Variants in DDX42 observed in about 807,000 individuals in gnomAD.
DDX42 encodes ATP-dependent RNA helicase DDX42.
DDX42 carries 22 observed loss-of-function variants against 101.5 expected under a neutral mutation model. The ratio of observed to expected loss-of-function variants is 0.22; its 90% CI spans 0.15 to 0.31. DDX42 has a LOEUF of 0.31. DDX42 is among the 10% of genes least tolerant of loss of function. The pLI is 1.00. For missense variants in DDX42, 849 were observed against 1,199.9 expected (o/e 0.71, Z 4.32); for synonymous variants, 402 against 401.2 (o/e 1.00, Z -0.02).
chr17:63,813,543 A>G (rs1015715222), intron 15 of DDX42, 89 bp downstream of exon 15: 12 of 1,252,830 alleles, frequency 9.6e-6, no homozygotes, highest in African/African-American at 1.5e-5. Context: ...AAAACTTGAC[A>G]AGAAAGTTGG....
At chr17:63,804,177 G>A (rs2039809780) in intron 6 of DDX42, among the ~76,000 whole-genome samples, 1 of 151,684 alleles carries the variant, frequency 6.6e-6, no homozygotes, top group South Asian at 2.1e-4. Flanking sequence ...AGGCATGGTG[G>A]TGCATGCTTG....
intron 6 of DDX42, among the ~76,000 whole-genome samples, chr17:63,803,771 T>C (rs1379130603): frequency 6.6e-6 from 1 of 151,504 alleles, no homozygotes; most frequent in Non-Finnish European, 1.5e-5. Context: ...TGCCTCAGCC[T>C]CCCGAGTAGC....
intron 17 of DDX42, 29 bp downstream of exon 17, chr17:63,816,995 C>T (rs560251285): frequency 6.3e-7 from 1 of 1,593,464 alleles, no homozygotes; most frequent in Admixed American, 1.7e-5. Context: ...ATTAAAAGCA[C>T]TTTCAGCAGT....
At chr17:63,796,404 G>A (rs986008874) in intron 3 of DDX42, among the ~76,000 whole-genome samples, 2 of 152,094 alleles carry the variant, frequency 1.3e-5, no homozygotes, top group African/African-American at 4.8e-5. Context: ...CTGCCTCCCG[G>A]GTCCCGGGTT....
intron 2 of DDX42, among the ~76,000 whole-genome samples, chr17:63,788,582 A>G (rs1009816400): frequency 1.3e-5 from 2 of 152,168 alleles, no homozygotes; most frequent in African/African-American, 4.8e-5. Context: ...CTAGGATTAT[A>G]CAGGCGTGAG....
At chr17:63,789,734 T>C (rs1184032666) in intron 2 of DDX42, among the ~76,000 whole-genome samples, 1 of 151,606 alleles carries the variant, frequency 6.6e-6, no homozygotes, top group Non-Finnish European at 1.5e-5. Context: ...CCACCACGCC[T>C]GGCTAATTTT....
intron 13 of DDX42, 66 bp downstream of exon 13, chr17:63,811,239 T>A: frequency 8.3e-7 from 1 of 1,198,966 alleles, no homozygotes; most frequent in Non-Finnish European, 1.2e-6. Flanking sequence ...AACACAGAAT[T>A]AATTTCTCAC....
intron 16 of DDX42, 92 bp downstream of exon 16, chr17:63,815,765 G>T: frequency 1.1e-6 from 1 of 872,048 alleles, no homozygotes; most frequent in Non-Finnish European, 1.8e-6. Flanking sequence ...GAAAGCCTCA[G>T]TGAGTTTAAA....
chr17:63,779,727 T>C (rs904075565), intron 1 of DDX42, among the ~76,000 whole-genome samples: 6 of 152,076 alleles, frequency 3.9e-5, no homozygotes, highest in African/African-American at 7.2e-5. Flanking sequence ...AGTTTGACTA[T>C]TCTAGGTATC....
Position 63,816,878 on chromosome 17 carries a change from A to C in DDX42, c.2024A>C (p.Asn675Thr). The C allele has an allele frequency of 6.2e-7, 1 of 1,611,860 alleles. No individual in the cohort carries two copies. The highest frequency in any genetic ancestry group is 8.5e-7 in the Non-Finnish European group (1 of 1,179,304). Residue 675 changes from asparagine (N) to threonine (T), a missense_variant, in exon 17 of 18, where the codon AAT (asparagine) becomes ACT (threonine). Asn to Thr is a moderately conservative substitution (Grantham distance 65). Transcript: ENST00000389924. ...GLGSENMDRG[N>T]NNVMSNYEAY... ...TGTTTATTTTTTTAGGATCGAGGAAATAACAATGTAATGAGCAATTATGAG... is the reference window on the plus strand; with the variant it reads ...TGTTTATTTTTTTAGGATCGAGGAACTAACAATGTAATGAGCAATTATGAG...
intron 1 of DDX42, among the ~76,000 whole-genome samples, chr17:63,783,141 T>C (rs1266470006): frequency 1.3e-5 from 2 of 152,230 alleles, no homozygotes; most frequent in Admixed American, 6.5e-5. Flanking sequence ...GAATGCACTC[T>C]GTATAGTACG....
chr17:63,799,561 A>G, intron 4 of DDX42, 28 bp from the exon 5 acceptor site: 1 of 1,612,568 alleles, frequency 6.2e-7, no homozygotes, highest in Non-Finnish European at 8.5e-7. Flanking sequence ...ATTTGCAGGG[A>G]AGTTTGTTTC....
chr17:63,809,016 A>C (rs1440438504), intron 10 of DDX42, 68 bp downstream of exon 10: 3 of 1,582,844 alleles, frequency 1.9e-6, no homozygotes, highest in Non-Finnish European at 1.7e-6. Context: ...TTAGTTTTGC[A>C]GAGAATTTCC....
At chr17:63,804,188 G>A (rs2039809862) in intron 6 of DDX42, among the ~76,000 whole-genome samples, 1 of 151,410 alleles carries the variant, frequency 6.6e-6, no homozygotes. Flanking sequence ...TGCATGCTTG[G>A]AGTCCCAGCT....
At position 63,798,085 on chromosome 17, in the gene DDX42, A is replaced by G; in HGVS notation, c.420A>G (p.Glu140=). ...DMKRLEEKDK[E]RKNVKGIRDD... The stretch of plus-strand genomic sequence containing the variant: ...AGAGGCTTGAAGAAAAGGACAAGGA[A>G]AGAAAAAACGTAAAGTAAGTTGTTT... The change falls in exon 4 of 18, where the codon GAA becomes GAG. Residue 140 remains glutamate (E), a synonymous_variant. Coordinates refer to ENST00000389924, the MANE Select transcript of DDX42 (RefSeq NM_203499.3). 6.2e-7 allele frequency: 1 copy of G among 1,613,568 alleles called. No individual in the cohort carries two copies. Among genetic ancestry groups the G allele is most frequent in the Non-Finnish European group, 8.5e-7 (1 of 1,179,736 alleles).
intron 13 of DDX42, 112 bp from the exon 14 acceptor site, chr17:63,811,820 C>A: frequency 7.1e-7 from 1 of 1,415,072 alleles, no homozygotes; most frequent in Non-Finnish European, 9.8e-7. Context: ...CCAAGGAGAA[C>A]TGGGATTGTT....
chr17:63,792,746 T>C (rs2039644238), intron 3 of DDX42, among the ~76,000 whole-genome samples, 184 bp downstream of exon 3: 1 of 152,138 alleles, frequency 6.6e-6, no homozygotes, highest in Admixed American at 6.6e-5. Context: ...ACTTTTGCAA[T>C]GATTGGTGGC....
chr17:63,793,063 T>C lies in DDX42; in HGVS notation c.372+501T>C, dbSNP rs141158249. ...TGTGATTTTGTGTTATTTTCCTTTT[T>C]CATCTTTCTGTTTTCTGTTTGTTTT... On this transcript the variant is annotated intron_variant, in intron 3 of 17. Transcript: ENST00000389924. Among the ~76,000 whole-genome samples the C allele has an allele frequency of 2.6e-3, 398 of 152,326 alleles. 1 individual carries two copies. Among genetic ancestry groups the C allele is most frequent in the African/African-American group, 9.2e-3 (384 of 41,576 alleles).
chr17:63,774,864 A>G (rs1270963183), intron 1 of DDX42: 1 of 152,240 alleles, frequency 6.6e-6, no homozygotes, highest in East Asian at 1.9e-4. Flanking sequence ...GTAGTCACAC[A>G]AACTTTTTTG....
Sources: gnomAD v4.1 joint callset for allele counts (sites outside exome capture counted in the v4.1 genomes callset) on GRCh38, gnomAD v4.1.1 for gene constraint, MANE v1.5 for transcripts, NCBI Gene and HGNC (gene_info 2026-07-23, HGNC 2026-07-21) for gene names.